PLCL1: variants seen among roughly 807,000 people sequenced by gnomAD.
The protein encoded by PLCL1 is phospholipase C like 1 (inactive), also known as inactive phospholipase C-like protein 1.
A neutral mutation model predicts 84.4 loss-of-function variants in PLCL1; 41 were observed. The ratio of observed to expected loss-of-function variants is 0.49; its 90% CI spans 0.38 to 0.63. The LOEUF (loss-of-function observed/expected upper bound fraction) is 0.63. Ranked by LOEUF, PLCL1 falls within the 30% of genes least tolerant of loss-of-function variation. The pLI, the probability that PLCL1 is intolerant of heterozygous loss-of-function variation, is 0.00. For synonymous variants in PLCL1, 490 were observed against 488.3 expected, an observed-to-expected ratio of 1.00 and a Z score of -0.05; for missense variants, 1,206 against 1,367.8, an observed-to-expected ratio of 0.88 and a Z score of 1.87.
chr2:197,872,614 T>C (rs894789727), intron 1 of PLCL1, among the ~76,000 whole-genome samples: 7 of 152,158 alleles, frequency 4.6e-5, no homozygotes, highest in Admixed American at 2.0e-4. Flanking sequence ...ATCTGATGAA[T>C]GGGGGCAATG....
At chr2:197,968,705 G>A (rs1489602185) in intron 1 of PLCL1, among the ~76,000 whole-genome samples, 1 of 152,140 alleles carries the variant, frequency 6.6e-6, no homozygotes, top group Non-Finnish European at 1.5e-5. Context: ...ACAGGATGCT[G>A]ATTAGGAAAT....
intron 1 of PLCL1, among the ~76,000 whole-genome samples, chr2:197,871,418 A>G (rs1223047581): frequency 1.3e-5 from 2 of 152,098 alleles, no homozygotes; most frequent in Admixed American, 1.3e-4. Flanking sequence ...GAAACGCCTG[A>G]GGTTCTTGGT....
intron 1 of PLCL1, chr2:198,070,990 T>C: frequency 3.6e-6 from 3 of 839,144 alleles, no homozygotes; most frequent in Non-Finnish European, 4.3e-6. Flanking sequence ...AGATAACCAC[T>C]ATCACCAATT....
intron 1 of PLCL1, among the ~76,000 whole-genome samples, chr2:197,836,072 T>G (rs1443671258): frequency 6.6e-6 from 1 of 152,216 alleles, no homozygotes; most frequent in African/African-American, 2.4e-5. Context: ...GAAATAAATT[T>G]TTTTGGCTGT....
At chr2:198,082,046 T>TA (rs1692726663) in intron 1 of PLCL1, among the ~76,000 whole-genome samples, 1 of 152,174 alleles carries the variant, frequency 6.6e-6, no homozygotes, top group Non-Finnish European at 1.5e-5. Flanking sequence ...TAACACCCAA[T>TA]ATCCTGGTCA....
At chr2:198,145,243 C>G (rs748638130) in intron 5 of PLCL1, among the ~76,000 whole-genome samples, 108 of 152,138 alleles carry the variant, frequency 7.1e-4, no homozygotes, top group Middle Eastern at 3.4e-3. Flanking sequence ...CAGACTCATT[C>G]GTGATGTCTA....
At position 197,842,197 on chromosome 2, in the gene PLCL1, C is replaced by T. The variant is rs147531660; in HGVS notation, c.240+36858C>T. 7.9e-3 allele frequency among the ~76,000 whole-genome samples: 1,203 copies of T among 152,236 alleles called. 17 individuals carry two copies. Among genetic ancestry groups the T allele is most frequent in the African/African-American group, 0.028 (1,154 of 41,538 alleles). ...ATAACCATAGCCTACCTGCCCCTTA[C>T]ATGATCTTTCAATAGTGTTGTTTAT... On this transcript the variant is annotated intron_variant, in intron 1 of 5. Transcript: ENST00000428675.
At chr2:198,054,937 A>T (rs1009447287) in intron 1 of PLCL1, among the ~76,000 whole-genome samples, 2 of 152,218 alleles carry the variant, frequency 1.3e-5, no homozygotes, top group African/African-American at 4.8e-5. Context: ...ATATCTAGAT[A>T]TATTAAGAAA....
intron 1 of PLCL1, among the ~76,000 whole-genome samples, chr2:197,936,541 G>A (rs1689058984): frequency 6.6e-6 from 1 of 152,080 alleles, no homozygotes; most frequent in African/African-American, 2.4e-5. Flanking sequence ...TTGGCCATTT[G>A]TATGTCTTTT....
chr2:197,897,183 CTT>C (rs1198555811), intron 1 of PLCL1, among the ~76,000 whole-genome samples: 930 of 22,666 alleles, frequency 0.041, 22 homozygotes, highest in African/African-American at 0.088. Context: ...TCTTCTTCTT[CTT>C]CTTCTCCTTC....
chr2:197,919,869 G>A (rs190251882), intron 1 of PLCL1, among the ~76,000 whole-genome samples: 1 of 152,316 alleles, frequency 6.6e-6, no homozygotes, highest in Non-Finnish European at 1.5e-5. Flanking sequence ...ATTGTATTAA[G>A]TCTCTGGAAG....
chr2:198,106,935 C>G (rs1440842433), intron 5 of PLCL1, among the ~76,000 whole-genome samples: 2 of 151,866 alleles, frequency 1.3e-5, no homozygotes, highest in South Asian at 2.1e-4. Flanking sequence ...GCCCATGGTT[C>G]TATCCACTAC....
chr2:198,016,024 T>C (rs1052904348), intron 1 of PLCL1, among the ~76,000 whole-genome samples: 1 of 152,176 alleles, frequency 6.6e-6, no homozygotes, highest in African/African-American at 2.4e-5. Context: ...AAGTCTGACA[T>C]GTGAGTGAAA....
Position 197,955,955 on chromosome 2 carries a change from T to C in PLCL1, c.241-127803T>C, listed in dbSNP as rs1401018551. Among the ~76,000 whole-genome samples, 5 of 151,770 alleles carry C rather than the reference T, an allele frequency of 3.3e-5. No individual in the cohort carries two copies. In the South Asian group the frequency reaches 1.0e-3, roughly 32 times the overall value. On this transcript the variant is annotated intron_variant, in intron 1 of 5. Transcript: ENST00000428675. ...CACATGCATTAGGTATTTGTCATAA[T>C]GCTCTCCCTCCCCTTGCCCCCCATC...
intron 5 of PLCL1, among the ~76,000 whole-genome samples, chr2:198,137,668 T>C (rs1024782540): frequency 2.0e-5 from 3 of 152,196 alleles, no homozygotes; most frequent in African/African-American, 7.2e-5. Context: ...TGAAGATGCC[T>C]GCTCATCTTG....
chr2:197,832,799 C>G (rs1256273133), intron 1 of PLCL1, among the ~76,000 whole-genome samples: 1 of 152,338 alleles, frequency 6.6e-6, no homozygotes, highest in Non-Finnish European at 1.5e-5. Flanking sequence ...AAAAGCTTAT[C>G]CACCACAATC....
intron 1 of PLCL1, among the ~76,000 whole-genome samples, chr2:198,046,608 C>A (rs761935144): frequency 3.9e-5 from 6 of 152,158 alleles, no homozygotes; most frequent in Non-Finnish European, 7.3e-5. Flanking sequence ...GAGGCCCAGG[C>A]AGGTGGATCA....
intron 3 of PLCL1, among the ~76,000 whole-genome samples, chr2:198,091,072 C>G (rs1309281950): frequency 6.6e-6 from 1 of 152,164 alleles, no homozygotes; most frequent in Non-Finnish European, 1.5e-5. Flanking sequence ...ATAATGAAGT[C>G]TTTCATGTAC....
At chr2:198,090,819 G>A (rs1178874836) in intron 3 of PLCL1, among the ~76,000 whole-genome samples, 1 of 152,162 alleles carries the variant, frequency 6.6e-6, no homozygotes, top group Non-Finnish European at 1.5e-5. Context: ...AATCATTCAT[G>A]GCCAGGGAGG....
Sources: gnomAD v4.1 joint callset for allele counts (sites outside exome capture counted in the v4.1 genomes callset) on GRCh38, gnomAD v4.1.1 for gene constraint, MANE v1.5 for transcripts, NCBI Gene and HGNC (gene_info 2026-07-23, HGNC 2026-07-21) for gene names.